Variants in CACNB2 observed in about 807,000 individuals in gnomAD.
CACNB2 encodes voltage-dependent L-type calcium channel subunit beta-2.
CACNB2 carries 42 observed loss-of-function variants against 73.3 expected under a neutral mutation model. That is an observed-to-expected ratio of 0.57 (90% CI 0.45 to 0.74). CACNB2 has a LOEUF of 0.74. Among genes scored for constraint, CACNB2 ranks in the 30% least tolerant of loss-of-function variants. CACNB2 has a pLI of 0.00. For missense variants in CACNB2, 940 were observed against 853.0 expected, an observed-to-expected ratio of 1.10 and a Z score of -1.27; for synonymous variants, 348 against 310.3, an observed-to-expected ratio of 1.12 and a Z score of -1.28.
chr10:18,276,094 G>T (rs1012685608), intron 2 of CACNB2, among the ~76,000 whole-genome samples: 1 of 152,118 alleles, frequency 6.6e-6, no homozygotes, highest in Non-Finnish European at 1.5e-5. Context: ...AATAAATACA[G>T]AACATCTCTG....
rs772732675 is a variant in CACNB2, at chr10:18,152,709, C to CAAAAAAAAAAAAAAAAAAAAAA, written c.213+1736_213+1757dup. On this transcript the variant is annotated intron_variant, in intron 2 of 13. Coordinates refer to ENST00000324631, the MANE Select transcript of CACNB2 (RefSeq NM_201596.3). ...TCATCATGCAGGACCTGAAACAGAC[C>CAAAAAAAAAAAAAAAAAAAAAA]AAAAAAAAAAAAAAAAAAAAAAACA... Among the ~76,000 whole-genome samples, 46 of 49,356 alleles carry CAAAAAAAAAAAAAAAAAAAAAA rather than the reference C, an allele frequency of 9.3e-4. 2 individuals carry two copies. The highest frequency in any genetic ancestry group is 1.3e-3 in the Non-Finnish European group (36 of 27,006). 32.4% of individuals were successfully genotyped at this position (49,356 alleles called of 152,430 possible).
At chr10:18,428,305 A>G (rs1320315827) in intron 3 of CACNB2, among the ~76,000 whole-genome samples, 1 of 152,176 alleles carries the variant, frequency 6.6e-6, no homozygotes, top group South Asian at 2.1e-4. Flanking sequence ...ACATGTTTGC[A>G]CTTAGTTTCC....
At chr10:18,421,458 C>A (rs901258431) in intron 3 of CACNB2, among the ~76,000 whole-genome samples, 3 of 151,834 alleles carry the variant, frequency 2.0e-5, no homozygotes, top group African/African-American at 7.3e-5. Context: ...CCACCACACC[C>A]GGCTAATTTT....
intron 2 of CACNB2, among the ~76,000 whole-genome samples, chr10:18,225,022 G>A (rs1412267566): frequency 2.0e-5 from 3 of 152,142 alleles, no homozygotes; most frequent in East Asian, 3.9e-4. Flanking sequence ...TCTGATGTCA[G>A]CCAGCCCTCT....
rs553715896 is a variant in CACNB2 at position 18,256,256 on chromosome 10, T to C, written c.213+105281T>C. ...CTACATGAGCCAAGCAGCTAGTTTT[T>C]GTTGACTTTATTTGATTATTTAGTA... is the stretch of plus-strand genomic sequence containing the variant. On this transcript the variant is annotated intron_variant, in intron 2 of 13. Coordinates refer to ENST00000324631, the MANE Select transcript of CACNB2 (RefSeq NM_201596.3). Among the ~76,000 whole-genome samples, 47 of 147,450 alleles carry C rather than the reference T, an allele frequency of 3.2e-4. No individual in the cohort carries two copies. In the South Asian group the frequency reaches 9.3e-3, roughly 29 times the overall value.
At chr10:18,231,598 C>A (rs1400719745) in intron 2 of CACNB2, among the ~76,000 whole-genome samples, 1 of 152,172 alleles carries the variant, frequency 6.6e-6, no homozygotes, top group Non-Finnish European at 1.5e-5. Context: ...ATCCATTGAA[C>A]CTTCACTGGC....
At chr10:18,410,452 GAAGA>G (rs1172411691) in intron 3 of CACNB2, among the ~76,000 whole-genome samples, 3 of 152,086 alleles carry the variant, frequency 2.0e-5, no homozygotes, top group African/African-American at 7.2e-5. Flanking sequence ...AGCCTTTGAA[GAAGA>G]AAGAAGAAAC....
intron 2 of CACNB2, chr10:18,260,541 A>C: frequency 2.0e-6 from 2 of 985,670 alleles, no homozygotes; most frequent in Non-Finnish European, 2.4e-6. Flanking sequence ...TGAAATACCT[A>C]CTGCAGGACA....
At chr10:18,509,221 A>C (rs1484284135) in intron 6 of CACNB2, among the ~76,000 whole-genome samples, 1 of 152,236 alleles carries the variant, frequency 6.6e-6, no homozygotes, top group African/African-American at 2.4e-5. Context: ...AACTGCTCCA[A>C]CTATCAAGTG....
At chr10:18,352,061 T>A (rs535792008) in intron 2 of CACNB2, among the ~76,000 whole-genome samples, 2 of 152,360 alleles carry the variant, frequency 1.3e-5, no homozygotes, top group South Asian at 4.1e-4. Flanking sequence ...GGTCTATTTC[T>A]TCTGCGTGTT....
intron 2 of CACNB2, among the ~76,000 whole-genome samples, chr10:18,159,499 A>G (rs577751816): frequency 1.3e-5 from 2 of 152,370 alleles, no homozygotes; most frequent in Admixed American, 6.5e-5. Flanking sequence ...AACAGCTTCT[A>G]GAATACAAAT....
chr10:18,224,392 A>G (rs1253351410), intron 2 of CACNB2: 1 of 151,948 alleles, frequency 6.6e-6, no homozygotes, highest in African/African-American at 2.4e-5. Context: ...CTGATATGAA[A>G]TCGATTTTGG....
chr10:18,249,580 T>G (rs1394220242), intron 2 of CACNB2, among the ~76,000 whole-genome samples: 1 of 152,188 alleles, frequency 6.6e-6, no homozygotes, highest in Non-Finnish European at 1.5e-5. Context: ...GATGCTATCA[T>G]CAGTGGCCTC....
intron 2 of CACNB2, chr10:18,260,685 A>G: frequency 1.0e-6 from 1 of 991,014 alleles, no homozygotes; most frequent in Non-Finnish European, 1.2e-6. Flanking sequence ...AACGTTACAG[A>G]GGTAACAGTG....
chr10:18,149,570 T>C (rs1202347649), intron 1 of CACNB2, among the ~76,000 whole-genome samples: 1 of 152,212 alleles, frequency 6.6e-6, no homozygotes, highest in Non-Finnish European at 1.5e-5. Context: ...AAATTACTCA[T>C]AACGCAAATG....
intron 2 of CACNB2, among the ~76,000 whole-genome samples, chr10:18,370,351 G>A (rs2042526690): frequency 6.6e-6 from 1 of 152,074 alleles, no homozygotes; most frequent in Non-Finnish European, 1.5e-5. Flanking sequence ...TAGAGTACAG[G>A]GGCACTATCT....
intron 2 of CACNB2, among the ~76,000 whole-genome samples, chr10:18,265,695 G>A (rs767107709): frequency 1.1e-4 from 17 of 151,974 alleles, no homozygotes; most frequent in Non-Finnish European, 2.1e-4. Context: ...TTGAGTCTCG[G>A]TTTTCTCACC....
intron 2 of CACNB2, among the ~76,000 whole-genome samples, chr10:18,165,398 C>T (rs2150694): frequency 6.6e-6 from 1 of 152,090 alleles, no homozygotes; most frequent in Non-Finnish European, 1.5e-5. Context: ...GTCACTGCAC[C>T]TGTGCCCTCT....
At chr10:18,520,010 T>C in intron 9 of CACNB2, 1 of 292,762 alleles carries the variant, frequency 3.4e-6, no homozygotes. Flanking sequence ...CCTTTGCTGA[T>C]ACTTCCTCAT....
Sources: gnomAD v4.1 joint callset for allele counts (sites outside exome capture counted in the v4.1 genomes callset) on GRCh38, gnomAD v4.1.1 for gene constraint, MANE v1.5 for transcripts, NCBI Gene and HGNC (gene_info 2026-07-23, HGNC 2026-07-21) for gene names.